The following KYNU variants were observed in gnomAD, a reference collection of about 807,000 sequenced individuals.
KYNU encodes the protein L-kynurenine hydrolase.
A neutral mutation model predicts 59.2 loss-of-function variants in KYNU; 54 were observed. The observed-to-expected ratio is 0.91, with a 90% CI of 0.73 to 1.14. The LOEUF (loss-of-function observed/expected upper bound fraction) is 1.14. Among genes scored for constraint, KYNU ranks in the 50% most tolerant of loss-of-function variants. The pLI is 0.00. For missense variants in KYNU, 567 were observed against 554.4 expected, an observed-to-expected ratio of 1.02 and a Z score of -0.23; for synonymous variants, 177 against 192.0, an observed-to-expected ratio of 0.92 and a Z score of 0.65.
At chr2:142,995,177 A>G (rs891864349) in intron 10 of KYNU, among the ~76,000 whole-genome samples, 2 of 152,150 alleles carry the variant, frequency 1.3e-5, no homozygotes, top group African/African-American at 4.8e-5. Context: ...TTTGTTACTA[A>G]TAGTCTCATG....
intron 4 of KYNU, among the ~76,000 whole-genome samples, chr2:142,944,396 TAAAC>T (rs879266542): frequency 1.3e-5 from 2 of 152,120 alleles, no homozygotes; most frequent in Admixed American, 6.6e-5. Context: ...AATAAATAAA[TAAAC>T]AAGGAATAAA....
In KYNU at chr2:142,985,961, G is replaced by T. The variant is rs752062234; in HGVS notation, c.842G>T (p.Gly281Val). The change falls in exon 10 of 14, where the codon GGA becomes GTA. Residue 281 changes from glycine (G) to valine (V), a missense_variant. Gly to Val is a moderately radical substitution (Grantham distance 109, BLOSUM62 -3). Coordinates refer to ENST00000264170, the MANE Select transcript of KYNU (RefSeq NM_003937.3). ...CWCSYKYLNA[G>V]AGGIAGAFIH... ...TTTTCAATCTAGTATTTAAATGCAGGAGCAGGAGGAATTGCTGGTGCCTTC... is the reference window on the plus strand; with the variant it reads ...TTTTCAATCTAGTATTTAAATGCAGTAGCAGGAGGAATTGCTGGTGCCTTC... 7 of 1,607,230 alleles carry T rather than the reference G, an allele frequency of 4.4e-6. No homozygotes were observed. The South Asian group carries it at 7.7e-5, about 18-fold the overall frequency.
At position 143,048,965 on chromosome 2, in the gene KYNU, TATG is replaced by T. The variant is rs1044790816; in HGVS notation, c.*6797_*6799del. ...TGTCTTTAATGATCCGCATTTTTAT[TATG>T]ATGTGTCTAGGCAGTTATTATTGTG... is the stretch of plus-strand genomic sequence containing the variant. On this transcript the variant is annotated 3_prime_UTR_variant, in exon 14 of 14. Transcript: ENST00000264170. 1 of 152,220 alleles carries T rather than the reference TATG, an allele frequency of 6.6e-6. No homozygotes were observed. The highest frequency in any genetic ancestry group is 1.5e-5 in the Non-Finnish European group (1 of 68,030). 9.4% of individuals were successfully genotyped at this position (152,220 alleles called of 1,614,324 possible).
intron 2 of KYNU, among the ~76,000 whole-genome samples, chr2:142,894,159 A>T (rs1320799582): frequency 6.6e-6 from 1 of 152,176 alleles, no homozygotes; most frequent in African/African-American, 2.4e-5. Flanking sequence ...ATCAATCTAG[A>T]CCTCAGAGAG....
At chr2:142,909,373 G>A (rs1295088367) in intron 2 of KYNU, among the ~76,000 whole-genome samples, 3 of 151,892 alleles carry the variant, frequency 2.0e-5, no homozygotes, top group Admixed American at 1.3e-4. Context: ...TTATATTTTA[G>A]GTTCATGGGA....
intron 8 of KYNU, among the ~76,000 whole-genome samples, chr2:142,964,402 A>G (rs925787533): frequency 6.6e-6 from 1 of 152,140 alleles, no homozygotes; most frequent in Non-Finnish European, 1.5e-5. Flanking sequence ...TTCTACCAGC[A>G]TATATTAGAC....
At chr2:143,027,559 TC>T (rs1355149773) in intron 10 of KYNU, among the ~76,000 whole-genome samples, 2 of 152,218 alleles carry the variant, frequency 1.3e-5, no homozygotes, top group African/African-American at 4.8e-5. Context: ...TGGTACATTG[TC>T]CTTTTTCTAT....
At position 143,024,903 on chromosome 2, in the gene KYNU, T is replaced by G. The variant is rs553732395; in HGVS notation, c.903-4724T>G. Among the ~76,000 whole-genome samples the G allele has an allele frequency of 1.7e-4, 26 of 152,244 alleles. 1 individual carries two copies. In the South Asian group the frequency reaches 5.2e-3, roughly 30 times the overall value. ...AGAACTTATTTATCTGCTTACTAAA[T>G]TTGTCATTTTCTCTCTAAACTATTT... On this transcript the variant is annotated intron_variant, in intron 10 of 13. Transcript: ENST00000264170.
chr2:142,934,206 G>A (rs1273312042), intron 4 of KYNU, among the ~76,000 whole-genome samples: 1 of 152,144 alleles, frequency 6.6e-6, no homozygotes, highest in Non-Finnish European at 1.5e-5. Flanking sequence ...TTGGGAGATG[G>A]GATACTGCTT....
At chr2:142,934,137 G>A (rs1170449602) in intron 4 of KYNU, among the ~76,000 whole-genome samples, 2 of 152,168 alleles carry the variant, frequency 1.3e-5, no homozygotes, top group Non-Finnish European at 2.9e-5. Flanking sequence ...AGTTTGTTGG[G>A]TGGAGTAGGC....
chr2:142,962,591 A>C (rs1684388053), intron 8 of KYNU, among the ~76,000 whole-genome samples: 1 of 152,144 alleles, frequency 6.6e-6, no homozygotes, highest in Non-Finnish European at 1.5e-5. Flanking sequence ...CCATTTGTTA[A>C]ATGTTTTGCA....
intron 10 of KYNU, among the ~76,000 whole-genome samples, chr2:143,013,821 C>T (rs1207045381): frequency 1.3e-5 from 2 of 152,178 alleles, no homozygotes; most frequent in Non-Finnish European, 2.9e-5. Flanking sequence ...GGAGAGGCTT[C>T]GGACCCACAG....
chr2:143,009,687 C>G (rs1449969253), intron 10 of KYNU, among the ~76,000 whole-genome samples: 2 of 99,634 alleles, frequency 2.0e-5, no homozygotes, highest in Non-Finnish European at 3.7e-5. Flanking sequence ...CCGAATCCAG[C>G]AGCACATCAA....
intron 2 of KYNU, among the ~76,000 whole-genome samples, chr2:142,891,932 A>G (rs1318088872): frequency 1.4e-5 from 2 of 147,898 alleles, no homozygotes; most frequent in Non-Finnish European, 3.0e-5. Flanking sequence ...TTTTTTTTTT[A>G]GATGGGGTCT....
At chr2:142,981,456 T>C (rs1443543104) in intron 8 of KYNU, among the ~76,000 whole-genome samples, 1 of 152,068 alleles carries the variant, frequency 6.6e-6, no homozygotes, top group Non-Finnish European at 1.5e-5. Flanking sequence ...TATCTTAAAA[T>C]ATAAACAAAT....
At chr2:142,930,394 G>T (rs910405474) in intron 4 of KYNU, among the ~76,000 whole-genome samples, 2 of 152,174 alleles carry the variant, frequency 1.3e-5, no homozygotes, top group Non-Finnish European at 2.9e-5. Flanking sequence ...GATGACTAGA[G>T]GATTAATTTC....
intron 8 of KYNU, among the ~76,000 whole-genome samples, chr2:142,975,911 C>T (rs1280516593): frequency 6.6e-6 from 1 of 152,222 alleles, no homozygotes; most frequent in African/African-American, 2.4e-5. Context: ...GATTGTTGTG[C>T]ACACTTTTCT....
chr2:142,948,230 C>T (rs1388974), intron 4 of KYNU: 39,946 of 152,166 alleles, frequency 0.26, 6,402 homozygotes, highest in South Asian at 0.42. Flanking sequence ...TATGAGCCAA[C>T]CTGTGCTAGT....
At chr2:142,923,173 G>A (rs1173812089) in intron 3 of KYNU, among the ~76,000 whole-genome samples, 1 of 152,212 alleles carries the variant, frequency 6.6e-6, no homozygotes, top group Non-Finnish European at 1.5e-5. Context: ...ACATTCAGAT[G>A]ATAGTAGAAC....
Sources: allele counts gnomAD v4.1 joint callset (sites outside exome capture counted in the v4.1 genomes callset), GRCh38; gene constraint gnomAD v4.1.1; transcripts MANE v1.5; gene names NCBI Gene and HGNC (gene_info 2026-07-23, HGNC 2026-07-21).